The following DCAF10 variants were observed in gnomAD, a reference collection of about 807,000 sequenced individuals.
DCAF10 encodes DDB1 and CUL4 associated factor 10.
In DCAF10, 19 loss-of-function variants were observed where a neutral mutation model predicts 51.9. The observed-to-expected ratio is 0.37, with a 90% CI of 0.26 to 0.54. DCAF10 has a LOEUF of 0.54. DCAF10 is among the 20% of genes least tolerant of loss of function. DCAF10 has a pLI of 0.87. For missense variants in DCAF10, 510 were observed against 730.6 expected (o/e 0.70, Z 3.48); for synonymous variants, 291 against 297.1 (o/e 0.98, Z 0.21).
At chr9:37,804,082 A>G (rs1057342515) in intron 1 of DCAF10, among the ~76,000 whole-genome samples, 24 of 152,194 alleles carry the variant, frequency 1.6e-4, no homozygotes, top group African/African-American at 5.1e-4. Flanking sequence ...ATGAGAACAC[A>G]TTAGGCACAG....
In DCAF10 at chr9:37,860,105, A is replaced by G; in HGVS notation, c.1223A>G (p.Asp408Gly). 7 of 1,614,110 alleles carry G rather than the reference A, an allele frequency of 4.3e-6. No individual in the cohort carries two copies. Among genetic ancestry groups the G allele is most frequent in the South Asian group, 1.1e-5 (1 of 91,078 alleles). The change falls in exon 6 of 7, where the codon GAC becomes GGC. Residue 408 changes from aspartate (D) to glycine (G), a missense_variant. Asp to Gly is a moderately conservative substitution (Grantham distance 94). Around this residue, in one of 4 missense-constraint regions of DCAF10, gnomAD observed 104 missense variants for 206.2 expected, o/e 0.50. Coordinates refer to ENST00000377724, the MANE Select transcript of DCAF10 (RefSeq NM_024345.5). ...VVTPEVLGES[D>G]HGNCITSLQL... ...ACCCCTGAAGTTCTTGGTGAGAGTG[A>G]CCACGGAAACTGCATCACGTCCTTA...
rs143254573 is a variant in DCAF10, at chr9:37,819,732, T to A, written c.653+331T>A. Among the ~76,000 whole-genome samples, 396 of 152,304 alleles carry A rather than the reference T, an allele frequency of 2.6e-3. 1 individual carries two copies. The highest frequency in any genetic ancestry group is 4.1e-3 in the Non-Finnish European group (282 of 68,028). On this transcript the variant is annotated intron_variant, in intron 2 of 6. Coordinates refer to ENST00000377724, the MANE Select transcript of DCAF10 (RefSeq NM_024345.5). Reference sequence around the variant, plus strand: ...AATGATTTGTGTAGAATGATGGCAGTCCCATTGCTTAGCACCTCTCACTTC... The same window carrying A: ...AATGATTTGTGTAGAATGATGGCAGACCCATTGCTTAGCACCTCTCACTTC...
chr9:37,844,482 C>T (rs1450801114), intron 3 of DCAF10, among the ~76,000 whole-genome samples: 8 of 152,236 alleles, frequency 5.3e-5, no homozygotes, highest in African/African-American at 1.9e-4. Flanking sequence ...GAAACCCCAT[C>T]TCTACTAAAA....
chr9:37,837,258 A>G (rs570476745), intron 2 of DCAF10, among the ~76,000 whole-genome samples: 1 of 152,158 alleles, frequency 6.6e-6, no homozygotes, highest in African/African-American at 2.4e-5. Flanking sequence ...CAGGAGATGG[A>G]GACCATCCTG....
chr9:37,825,813 G>GT (rs1829833442), intron 2 of DCAF10, among the ~76,000 whole-genome samples: 2 of 152,134 alleles, frequency 1.3e-5, no homozygotes, highest in African/African-American at 2.4e-5. Context: ...GAAGTCAGGA[G>GT]TTTGAGACCA....
intron 1 of DCAF10, among the ~76,000 whole-genome samples, chr9:37,810,463 CT>C (rs1051006264): frequency 1.2e-4 from 18 of 147,752 alleles, no homozygotes; most frequent in Non-Finnish European, 1.0e-4. Context: ...TTCTTTCTTT[CT>C]TTTTTTTTTT....
rs967430879 is a variant in DCAF10, at chr9:37,866,220, G to T, written c.*4712G>T. 1 of 152,578 alleles carries T rather than the reference G, an allele frequency of 6.6e-6. No individual in the cohort carries two copies. Among genetic ancestry groups the T allele is most frequent in the Non-Finnish European group, 1.5e-5 (1 of 68,022 alleles). The allele number at this position is 152,578 out of a possible 1,614,324, so 9.5% of individuals were successfully genotyped here. A position where few individuals can be genotyped will look rare whatever the true frequency, so the allele number is the denominator to read the frequency against. Reference sequence around the variant, plus strand: ...ACATTTAAAACTTGTAATTATTTTTGATGTGAGTATTTCAGGTATGTTAGT... The same window carrying T: ...ACATTTAAAACTTGTAATTATTTTTTATGTGAGTATTTCAGGTATGTTAGT... On this transcript the variant is annotated 3_prime_UTR_variant, in exon 7 of 7. Transcript: ENST00000377724.
intron 1 of DCAF10, among the ~76,000 whole-genome samples, chr9:37,815,146 A>C (rs1829487590): frequency 6.6e-6 from 1 of 152,252 alleles, no homozygotes; most frequent in African/African-American, 2.4e-5. Flanking sequence ...AAAGCTTAGC[A>C]AAATTGAAAC....
chr9:37,854,040 AATT>A (rs1282083452), intron 3 of DCAF10, among the ~76,000 whole-genome samples: 2 of 152,134 alleles, frequency 1.3e-5, no homozygotes, highest in Non-Finnish European at 2.9e-5. Flanking sequence ...TTTAAATAAT[AATT>A]ATTAACATAA....
chr9:37,838,746 C>G (rs1397916944), intron 2 of DCAF10, among the ~76,000 whole-genome samples: 2 of 151,892 alleles, frequency 1.3e-5, no homozygotes, highest in African/African-American at 2.4e-5. Flanking sequence ...CAAAAATTAG[C>G]TGGGCATCGC....
At chr9:37,846,081 A>G (rs181283931) in intron 3 of DCAF10, among the ~76,000 whole-genome samples, 73 of 152,300 alleles carry the variant, frequency 4.8e-4, no homozygotes, top group African/African-American at 1.7e-3. Context: ...AGAAAGACCA[A>G]TCTGTAATAT....
At chr9:37,816,659 G>GGGGGGGGTGTGTGTGTGTGA (rs372664140) in intron 1 of DCAF10, among the ~76,000 whole-genome samples, 1 of 144,890 alleles carries the variant, frequency 6.9e-6, no homozygotes, top group Non-Finnish European at 1.5e-5. Flanking sequence ...CTGCACCTGG[G>GGGGGGGGTGTGTGTGTGTGA]GTGTGTGTGT....
At chr9:37,824,728 T>C (rs12000917) in intron 2 of DCAF10, among the ~76,000 whole-genome samples, 1 of 151,926 alleles carries the variant, frequency 6.6e-6, no homozygotes, top group Non-Finnish European at 1.5e-5. Context: ...TCTATTGATA[T>C]ATGTTTAGCA....
upstream of DCAF10, chr9:37,800,782 C>A (rs910638639): frequency 3.9e-6 from 6 of 1,520,288 alleles, no homozygotes; most frequent in Admixed American, 1.2e-4. Context: ...TAGGCCGCTG[C>A]ACGCCGGAAG....
Position 37,864,596 on chromosome 9 carries a change from A to AATAAAT in DCAF10, c.*3089_*3090insTAAATA, listed in dbSNP as rs1554691381. 1.4e-5 allele frequency: 2 copies of AATAAAT among 144,854 alleles called. No homozygotes were observed. The highest frequency in any genetic ancestry group is 2.2e-4 in the South Asian group (1 of 4,628). 9.0% of individuals were successfully genotyped at this position (144,854 alleles called of 1,614,324 possible). On this transcript the variant is annotated 3_prime_UTR_variant, in exon 7 of 7. Coordinates refer to ENST00000377724, the MANE Select transcript of DCAF10 (RefSeq NM_024345.5). ...GAGACTCTGCCTCAAAAAAAAAAAA[A>AATAAAT]AAAATAAAATAAAATAAAATTAGTT...
intron 2 of DCAF10, among the ~76,000 whole-genome samples, chr9:37,827,409 G>A (rs532233247): frequency 1.3e-5 from 2 of 152,062 alleles, no homozygotes; most frequent in South Asian, 4.2e-4. Flanking sequence ...AAGAAAAGGT[G>A]CAAAACAGAG....
chr9:37,852,689 C>T (rs1830695284), intron 3 of DCAF10, among the ~76,000 whole-genome samples: 1 of 151,904 alleles, frequency 6.6e-6, no homozygotes, highest in East Asian at 1.9e-4. Flanking sequence ...GGCGGTGGAT[C>T]ACCAGAGGTC....
At chr9:37,840,321 A>G (rs1176005262) in intron 2 of DCAF10, among the ~76,000 whole-genome samples, 2 of 152,194 alleles carry the variant, frequency 1.3e-5, no homozygotes, top group Non-Finnish European at 2.9e-5. Flanking sequence ...ATTCCAGGAG[A>G]AGCCATTGTT....
At chr9:37,839,597 C>T (rs899496562) in intron 2 of DCAF10, among the ~76,000 whole-genome samples, 2 of 152,032 alleles carry the variant, frequency 1.3e-5, no homozygotes, top group Non-Finnish European at 2.9e-5. Context: ...AGAATAAATC[C>T]ATAATGTATT....
Sources: allele counts gnomAD v4.1 joint callset (sites outside exome capture counted in the v4.1 genomes callset), GRCh38; gene constraint gnomAD v4.1.1; regional missense constraint gnomAD v4.1.1; transcripts MANE v1.5; gene names NCBI Gene and HGNC (gene_info 2026-07-23, HGNC 2026-07-21).